Variants in BICD1 observed in about 807,000 individuals in gnomAD.
BICD1 encodes protein bicaudal D homolog 1.
In BICD1, 35 loss-of-function variants were observed where a neutral mutation model predicts 92.5. The observed-to-expected ratio is 0.38, with a 90% CI of 0.29 to 0.50. The LOEUF is 0.50. Among genes scored for constraint, BICD1 ranks in the 20% least tolerant of loss-of-function variants. The probability of loss-of-function intolerance (pLI) is 0.93; values close to 1 mark genes in which losing one functional copy is unlikely to be tolerated. For synonymous variants in BICD1, 429 were observed against 465.1 expected (o/e 0.92, Z 1.00); for missense variants, 950 against 1,189.8 (o/e 0.80, Z 2.97).
At chr12:32,116,510 C>CTCTATATATATATATATATA (rs1233964108) in intron 1 of BICD1, among the ~76,000 whole-genome samples, 3 of 104,370 alleles carry the variant, frequency 2.9e-5, no homozygotes, top group Non-Finnish European at 3.8e-5. Context: ...CTCTCTCTCT[C>CTCTATATATATATATATATA]TATATATATA....
chr12:32,311,583 T>C (rs531979137), intron 4 of BICD1, among the ~76,000 whole-genome samples: 1 of 152,310 alleles, frequency 6.6e-6, no homozygotes, highest in East Asian at 1.9e-4. Flanking sequence ...TATAGGTAAA[T>C]TTAAACATTT....
intron 1 of BICD1, among the ~76,000 whole-genome samples, chr12:32,132,502 T>C (rs558355319): frequency 6.6e-6 from 1 of 152,120 alleles, no homozygotes; most frequent in South Asian, 2.1e-4. Context: ...TGCAAGCCTT[T>C]GCGGCTCGGA....
chr12:32,209,084 C>T (rs954068670), intron 1 of BICD1, among the ~76,000 whole-genome samples: 1 of 152,070 alleles, frequency 6.6e-6, no homozygotes. Flanking sequence ...GCCTCCCAAA[C>T]TGCTGGGATT....
At chr12:32,116,349 G>T (rs963548748) in intron 1 of BICD1, among the ~76,000 whole-genome samples, 12 of 151,794 alleles carry the variant, frequency 7.9e-5, no homozygotes, top group African/African-American at 2.9e-4. Context: ...ACTCTTTTAT[G>T]TATTTTTTCT....
chr12:32,238,022 G>GAT (rs1203465617), intron 2 of BICD1, among the ~76,000 whole-genome samples: 1 of 152,234 alleles, frequency 6.6e-6, no homozygotes, highest in Non-Finnish European at 1.5e-5. Context: ...CACAATTCTA[G>GAT]ATACTGTTGG....
chr12:32,209,482 G>C (rs776224337), intron 1 of BICD1, among the ~76,000 whole-genome samples: 2 of 152,180 alleles, frequency 1.3e-5, no homozygotes, highest in Non-Finnish European at 2.9e-5. Context: ...GATAATTTTT[G>C]TTATATGTTC....
chr12:32,323,700 T>A lies in BICD1; in HGVS notation c.1006-3761T>A, dbSNP rs372819455. Among the ~76,000 whole-genome samples the A allele has an allele frequency of 2.4e-4, 37 of 152,336 alleles. 1 individual carries two copies. In the East Asian group the frequency reaches 6.4e-3, roughly 26 times the overall value. ...AAAGCCTCTAAATAACACCTTGAGA[T>A]AACAAAACTGTATCTTAGGTTCTAA... On this transcript the variant is annotated intron_variant, in intron 4 of 9. Coordinates refer to ENST00000652176, the MANE Select transcript of BICD1 (RefSeq NM_001714.4).
At chr12:32,356,406 C>T (rs1188538174) in intron 8 of BICD1, among the ~76,000 whole-genome samples, 2 of 152,080 alleles carry the variant, frequency 1.3e-5, no homozygotes, top group East Asian at 3.8e-4. Context: ...AATCCCAGCG[C>T]TTTGGGAGGC....
chr12:32,212,668 C>T (rs1945251937), intron 1 of BICD1, among the ~76,000 whole-genome samples: 1 of 152,240 alleles, frequency 6.6e-6, no homozygotes, highest in Admixed American at 6.5e-5. Context: ...AAGTGATCCA[C>T]CACCTCAGCC....
chr12:32,229,756 G>T (rs1945815820), intron 2 of BICD1, among the ~76,000 whole-genome samples: 1 of 152,182 alleles, frequency 6.6e-6, no homozygotes, highest in Non-Finnish European at 1.5e-5. Context: ...GTAGCTAGGG[G>T]ACGAGATGGG....
chr12:32,365,462 A>G (rs1290257358), intron 8 of BICD1, among the ~76,000 whole-genome samples: 1 of 152,218 alleles, frequency 6.6e-6, no homozygotes, highest in Admixed American at 6.5e-5. Flanking sequence ...AAAGTCAAAT[A>G]TATGAGATAT....
At chr12:32,318,947 T>C (rs535374873) in intron 4 of BICD1, among the ~76,000 whole-genome samples, 1 of 152,358 alleles carries the variant, frequency 6.6e-6, no homozygotes, top group Non-Finnish European at 1.5e-5. Flanking sequence ...TCACTGCTAG[T>C]ATATAGAAAT....
At chr12:32,255,689 T>A (rs931352340) in intron 2 of BICD1, among the ~76,000 whole-genome samples, 1 of 152,216 alleles carries the variant, frequency 6.6e-6, no homozygotes, top group African/African-American at 2.4e-5. Flanking sequence ...TTAGGGCCTT[T>A]GCTCTGGCTG....
chr12:32,282,934 A>G (rs1947459754), intron 2 of BICD1, among the ~76,000 whole-genome samples: 1 of 152,196 alleles, frequency 6.6e-6, no homozygotes, highest in Non-Finnish European at 1.5e-5. Flanking sequence ...TTAAGAATAG[A>G]TGTTCATGAC....
At chr12:32,238,074 G>T (rs1172682455) in intron 2 of BICD1, among the ~76,000 whole-genome samples, 1 of 152,182 alleles carries the variant, frequency 6.6e-6, no homozygotes, top group East Asian at 1.9e-4. Flanking sequence ...TTTCGAAGAA[G>T]TTGATTCCAA....
chr12:32,244,073 C>CTTTTTTTTTTTTTTTTTTT (rs1223296421), intron 2 of BICD1, among the ~76,000 whole-genome samples: 1 of 151,946 alleles, frequency 6.6e-6, no homozygotes, highest in African/African-American at 2.4e-5. Flanking sequence ...AAGACTCATT[C>CTTTTTTTTTTTTTTTTTTT]TTTATCTGCT....
intron 4 of BICD1, among the ~76,000 whole-genome samples, chr12:32,321,138 CAACATGGTGA>C: frequency 6.6e-6 from 1 of 152,146 alleles, no homozygotes; most frequent in South Asian, 2.1e-4. Context: ...TGAGCCTGGT[CAACATGGTGA>C]AACCCCGTCT....
chr12:32,218,354 T>G (rs748099764), intron 2 of BICD1, among the ~76,000 whole-genome samples: 2 of 152,198 alleles, frequency 1.3e-5, no homozygotes, highest in Non-Finnish European at 2.9e-5. Context: ...GGAGAACTCA[T>G]CAGACCATGA....
intron 4 of BICD1, among the ~76,000 whole-genome samples, chr12:32,317,202 A>AT (rs2136237610): frequency 6.6e-6 from 1 of 152,312 alleles, no homozygotes; most frequent in Non-Finnish European, 1.5e-5. Context: ...CATGATTTAT[A>AT]ATCCTTTGGG....
Sources: gnomAD v4.1 joint callset for allele counts (sites outside exome capture counted in the v4.1 genomes callset) on GRCh38, gnomAD v4.1.1 for gene constraint, MANE v1.5 for transcripts, NCBI Gene and HGNC (gene_info 2026-07-23, HGNC 2026-07-21) for gene names.